Variants in PEBP4 observed in about 807,000 individuals in gnomAD.
PEBP4 encodes the protein phosphatidylethanolamine binding protein 4.
Under a neutral mutation model 23.9 loss-of-function variants are expected in PEBP4, and 22 were observed. The observed-to-expected ratio is 0.92, with a 90% CI of 0.66 to 1.31. The LOEUF is 1.31. Among genes scored for constraint, PEBP4 ranks in the 40% most tolerant of loss-of-function variants. The pLI is 0.00. For synonymous variants in PEBP4, 112 were observed against 99.3 expected (o/e 1.13, Z -0.76); for missense variants, 324 against 281.7 (o/e 1.15, Z -1.07).
intron 3 of PEBP4, among the ~76,000 whole-genome samples, chr8:22,864,465 G>A (rs575398976): frequency 6.6e-6 from 1 of 152,140 alleles, no homozygotes; most frequent in Admixed American, 6.5e-5. Context: ...AGGCTCTGGT[G>A]AAGATAGAAC....
intron 3 of PEBP4, among the ~76,000 whole-genome samples, chr8:22,821,984 C>CAAAAAA (rs113380878): frequency 7.6e-6 from 1 of 131,000 alleles, no homozygotes; most frequent in African/African-American, 2.9e-5. Context: ...GACCTCGTCT[C>CAAAAAA]AAAAAAAAAA....
At chr8:22,856,924 G>GA (rs1049786870) in intron 3 of PEBP4, among the ~76,000 whole-genome samples, 3 of 151,686 alleles carry the variant, frequency 2.0e-5, no homozygotes, top group African/African-American at 7.3e-5. Context: ...CAACAAAGGG[G>GA]AACTGATTAA....
intron 3 of PEBP4, among the ~76,000 whole-genome samples, chr8:22,868,491 C>G (rs976688915): frequency 6.6e-6 from 1 of 152,012 alleles, no homozygotes; most frequent in Non-Finnish European, 1.5e-5. Context: ...CTTTTTATTC[C>G]CCACAGAACT....
At chr8:22,784,551 C>T (rs969334021) in intron 4 of PEBP4, among the ~76,000 whole-genome samples, 2 of 152,294 alleles carry the variant, frequency 1.3e-5, no homozygotes, top group Admixed American at 6.5e-5. Context: ...CCTCCCGTCC[C>T]GGGAGATGTG....
intron 3 of PEBP4, among the ~76,000 whole-genome samples, chr8:22,916,492 C>A (rs1362931763): frequency 6.6e-6 from 1 of 152,160 alleles, no homozygotes; most frequent in Non-Finnish European, 1.5e-5. Flanking sequence ...CCCCACCCAC[C>A]CCCCAGCTCA....
At chr8:22,741,404 GTTCT>G (rs1376787441) in intron 4 of PEBP4, among the ~76,000 whole-genome samples, 3 of 152,224 alleles carry the variant, frequency 2.0e-5, no homozygotes, top group Admixed American at 2.0e-4. Flanking sequence ...CCCAGGGCTT[GTTCT>G]CATTCTGTTG....
At chr8:22,884,745 A>G (rs1390042846) in intron 3 of PEBP4, 1 of 152,092 alleles carries the variant, frequency 6.6e-6, no homozygotes, top group Non-Finnish European at 1.5e-5. Flanking sequence ...GTTCAATTCA[A>G]CATCCTCTCT....
intron 3 of PEBP4, among the ~76,000 whole-genome samples, chr8:22,860,690 C>T (rs898180223): frequency 1.3e-5 from 2 of 152,228 alleles, no homozygotes; most frequent in Non-Finnish European, 2.9e-5. Context: ...GATACGTACT[C>T]CGTGGAGCTT....
rs1250482804 is a variant in PEBP4, at chr8:22,713,358, A to T, written c.*12T>A. On this transcript the variant is annotated 3_prime_UTR_variant, in exon 7 of 7. Transcript: ENST00000256404. Reference sequence around the variant, plus strand: ...CAGTGTGGCCACATGCCCGGATGGCAAAGCCGGCTATCTAGCAGGCAGCTA... The same window carrying T: ...CAGTGTGGCCACATGCCCGGATGGCTAAGCCGGCTATCTAGCAGGCAGCTA... 1 of 1,567,546 alleles carries T rather than the reference A, an allele frequency of 6.4e-7. No homozygotes were observed. The highest frequency in any genetic ancestry group is 8.6e-7 in the Non-Finnish European group (1 of 1,157,436).
At chr8:22,878,841 A>C (rs1808184255) in intron 3 of PEBP4, among the ~76,000 whole-genome samples, 1 of 152,236 alleles carries the variant, frequency 6.6e-6, no homozygotes, top group Non-Finnish European at 1.5e-5. Context: ...CTGTCATCAC[A>C]GTTAAGCCAC....
chr8:22,758,279 T>C (rs1227982444), intron 4 of PEBP4: 2 of 152,238 alleles, frequency 1.3e-5, no homozygotes, highest in South Asian at 4.1e-4. Flanking sequence ...GTGTCTGTGG[T>C]ACCCAGTGCC....
intron 4 of PEBP4, among the ~76,000 whole-genome samples, chr8:22,739,706 G>A (rs573352503): frequency 6.6e-6 from 1 of 151,994 alleles, no homozygotes; most frequent in African/African-American, 2.4e-5. Flanking sequence ...CAGTCTCCCC[G>A]AGCTCCGGCC....
At chr8:22,766,769 T>C (rs1045213640) in intron 4 of PEBP4, among the ~76,000 whole-genome samples, 3 of 152,210 alleles carry the variant, frequency 2.0e-5, no homozygotes, top group African/African-American at 7.2e-5. Context: ...GGTGTCACTT[T>C]TCTCAGCATG....
chr8:22,932,720 T>A (rs992577622), upstream of PEBP4, among the ~76,000 whole-genome samples: 3 of 152,068 alleles, frequency 2.0e-5, no homozygotes, highest in Non-Finnish European at 4.4e-5. Context: ...ATAATAGGAA[T>A]TTTTCCAGAC....
chr8:22,743,240 T>G (rs929862309), intron 4 of PEBP4, among the ~76,000 whole-genome samples: 3 of 151,818 alleles, frequency 2.0e-5, no homozygotes, highest in African/African-American at 7.3e-5. Context: ...TGCCTGAGAG[T>G]GGAGGCTACT....
intron 3 of PEBP4, among the ~76,000 whole-genome samples, chr8:22,823,553 A>T (rs1445079197): frequency 6.6e-6 from 1 of 151,790 alleles, no homozygotes; most frequent in Non-Finnish European, 1.5e-5. Flanking sequence ...CTATATATAT[A>T]TATCTTTATA....
At chr8:22,800,631 G>A (rs1213350306) in intron 4 of PEBP4, among the ~76,000 whole-genome samples, 1 of 152,144 alleles carries the variant, frequency 6.6e-6, no homozygotes, top group South Asian at 2.1e-4. Context: ...ACATCAGGCT[G>A]CAGGAACTCC....
chr8:22,875,338 G>A (rs1051422433), intron 3 of PEBP4, among the ~76,000 whole-genome samples: 1 of 151,774 alleles, frequency 6.6e-6, no homozygotes, highest in African/African-American at 2.4e-5. Context: ...TAACTTTTAT[G>A]TTAGGTTCAG....
At position 22,728,551 on chromosome 8, in the gene PEBP4, T is replaced by C. The variant is rs7460504; in HGVS notation, c.358-1331A>G. Among the ~76,000 whole-genome samples the C allele has an allele frequency of 5.1e-3, 386 of 75,410 alleles. 3 individuals carry two copies. The highest frequency in any genetic ancestry group is 0.014 in the African/African-American group (305 of 21,464). 49.5% of individuals were successfully genotyped at this position (75,410 alleles called of 152,430 possible). A position where few individuals can be genotyped will look rare whatever the true frequency, so the allele number is the denominator to read the frequency against. On this transcript the variant is annotated intron_variant, in intron 4 of 6. Coordinates refer to ENST00000256404, the MANE Select transcript of PEBP4 (RefSeq NM_144962.3). Reference sequence around the variant, plus strand: ...TTGCTTCTTTCTTCCTTCCTTTCTTTCTTTCTTTCTTCCTTCCTTCCTTCC... The same window carrying C: ...TTGCTTCTTTCTTCCTTCCTTTCTTCCTTTCTTTCTTCCTTCCTTCCTTCC...
Sources: allele counts gnomAD v4.1 joint callset (sites outside exome capture counted in the v4.1 genomes callset), GRCh38; gene constraint gnomAD v4.1.1; transcripts MANE v1.5; gene names NCBI Gene and HGNC (gene_info 2026-07-23, HGNC 2026-07-21).